Variants in RASGRF2 observed in about 807,000 individuals in gnomAD.
RASGRF2 encodes ras-specific guanine nucleotide-releasing factor 2.
A neutral mutation model predicts 151.0 loss-of-function variants in RASGRF2; 76 were observed. The ratio of observed to expected loss-of-function variants is 0.50; its 90% CI spans 0.42 to 0.61. RASGRF2 has a LOEUF of 0.61. Among genes scored for constraint, RASGRF2 ranks in the 20% least tolerant of loss-of-function variants. The probability of loss-of-function intolerance (pLI) is 0.00; values close to 1 mark genes in which losing one functional copy is unlikely to be tolerated. For missense variants in RASGRF2, 1,148 were observed against 1,564.6 expected, an observed-to-expected ratio of 0.73 and a Z score of 4.49; for synonymous variants, 504 against 566.5, an observed-to-expected ratio of 0.89 and a Z score of 1.57.
intron 1 of RASGRF2, among the ~76,000 whole-genome samples, chr5:81,015,309 A>C (rs1192239227): frequency 6.6e-6 from 1 of 152,192 alleles, no homozygotes; most frequent in Non-Finnish European, 1.5e-5. Flanking sequence ...GTCAAATGGT[A>C]TTTCTGGTTC....
At chr5:81,181,111 G>A (rs1054318452) in intron 18 of RASGRF2, among the ~76,000 whole-genome samples, 2 of 152,168 alleles carry the variant, frequency 1.3e-5, no homozygotes, top group African/African-American at 4.8e-5. Flanking sequence ...CAAATTGTCA[G>A]TCTGCTAATG....
intron 1 of RASGRF2, among the ~76,000 whole-genome samples, chr5:81,012,667 G>A (rs1421179650): frequency 2.0e-5 from 3 of 152,060 alleles, no homozygotes; most frequent in African/African-American, 7.2e-5. Context: ...GACTGAGGTG[G>A]GACAACTCCG....
intron 1 of RASGRF2, among the ~76,000 whole-genome samples, chr5:80,965,578 A>G (rs1358541238): frequency 6.6e-6 from 1 of 152,196 alleles, no homozygotes; most frequent in Non-Finnish European, 1.5e-5. Context: ...ATACATAAAA[A>G]TGCATTATTG....
intron 18 of RASGRF2, among the ~76,000 whole-genome samples, chr5:81,194,783 T>C (rs1005188399): frequency 1.3e-5 from 2 of 152,150 alleles, no homozygotes; most frequent in African/African-American, 4.8e-5. Context: ...AAGCCTCTCT[T>C]GGTTTCTTTT....
chr5:81,136,941 T>A lies in RASGRF2; in HGVS notation c.2686+9778T>A, dbSNP rs557724431. ...CTTCATTTCCGTGTCTGTGTTTTTTTATGTCTAGCATTTTCCTTTGATTCT... is the reference window on the plus strand; with the variant it reads ...CTTCATTTCCGTGTCTGTGTTTTTTAATGTCTAGCATTTTCCTTTGATTCT... On this transcript the variant is annotated intron_variant, in intron 17 of 26. Transcript: ENST00000265080. Among the ~76,000 whole-genome samples the A allele has an allele frequency of 2.0e-5, 3 of 152,020 alleles. No homozygotes were observed. In the South Asian group the frequency reaches 6.2e-4, roughly 32 times the overall value.
At chr5:81,187,754 G>A (rs1176443631) in intron 18 of RASGRF2, among the ~76,000 whole-genome samples, 1 of 152,168 alleles carries the variant, frequency 6.6e-6, no homozygotes, top group Non-Finnish European at 1.5e-5. Context: ...TACTTAGTGT[G>A]CTCAAGGTCT....
Position 81,032,665 on chromosome 5 carries a change from T to G in RASGRF2, c.289-10212T>G, listed in dbSNP as rs111554753. On this transcript the variant is annotated intron_variant, in intron 1 of 26. Coordinates refer to ENST00000265080, the MANE Select transcript of RASGRF2 (RefSeq NM_006909.3). ...CGTATCTCAAAATAATAAGAGCTAT[T>G]TATGACAAACCCACAGCCAATATCA... Among the ~76,000 whole-genome samples, 4 of 152,212 alleles carry G rather than the reference T, an allele frequency of 2.6e-5. No individual in the cohort carries two copies. The South Asian group carries it at 8.3e-4, about 32-fold the overall frequency.
chr5:81,216,757 C>T (rs899618997), intron 24 of RASGRF2, among the ~76,000 whole-genome samples: 3 of 152,194 alleles, frequency 2.0e-5, no homozygotes, highest in Non-Finnish European at 2.9e-5. Context: ...CAGCTCCTCC[C>T]GCATCAAAAG....
chr5:81,098,611 T>A (rs1752614097), intron 12 of RASGRF2, among the ~76,000 whole-genome samples: 2 of 152,270 alleles, frequency 1.3e-5, no homozygotes, highest in South Asian at 4.1e-4. Context: ...GAGGGAGTGG[T>A]CACATGTCAA....
chr5:81,102,573 T>C (rs938978508), intron 12 of RASGRF2, among the ~76,000 whole-genome samples: 3 of 151,806 alleles, frequency 2.0e-5, no homozygotes, highest in Admixed American at 2.0e-4. Flanking sequence ...CACATGCCTG[T>C]AGTCCCAGCT....
intron 19 of RASGRF2, among the ~76,000 whole-genome samples, chr5:81,203,243 T>G (rs1755436173): frequency 6.6e-6 from 1 of 152,200 alleles, no homozygotes; most frequent in South Asian, 2.1e-4. Flanking sequence ...AAAACTAGAT[T>G]CAGGAAGTTT....
At chr5:81,156,853 C>T (rs980047861) in intron 17 of RASGRF2, among the ~76,000 whole-genome samples, 1 of 151,918 alleles carries the variant, frequency 6.6e-6, no homozygotes, top group African/African-American at 2.4e-5. Context: ...TTTAAGGTAG[C>T]CTGATTAGAA....
intron 17 of RASGRF2, among the ~76,000 whole-genome samples, chr5:81,173,111 T>A (rs1175882075): frequency 1.3e-5 from 2 of 152,182 alleles, no homozygotes; most frequent in African/African-American, 4.8e-5. Flanking sequence ...GCGCAGTGGC[T>A]CATGCCTGTA....
At chr5:81,154,179 A>C (rs1411678633) in intron 17 of RASGRF2, among the ~76,000 whole-genome samples, 1 of 152,194 alleles carries the variant, frequency 6.6e-6, no homozygotes, top group Non-Finnish European at 1.5e-5. Flanking sequence ...AAAGGATATA[A>C]AAGAGCTTGA....
At chr5:81,058,133 C>G (rs1314918278) in intron 2 of RASGRF2, among the ~76,000 whole-genome samples, 2 of 152,010 alleles carry the variant, frequency 1.3e-5, no homozygotes, top group African/African-American at 4.8e-5. Flanking sequence ...ATGTTGACAT[C>G]TGTTTGTACT....
At chr5:80,993,257 A>T (rs147203718) in intron 1 of RASGRF2, among the ~76,000 whole-genome samples, 1 of 152,238 alleles carries the variant, frequency 6.6e-6, no homozygotes, top group Non-Finnish European at 1.5e-5. Flanking sequence ...TCCATGATAC[A>T]TTCTTCCGTG....
At position 81,136,052 on chromosome 5, in the gene RASGRF2, G is replaced by A. The variant is rs149798518; in HGVS notation, c.2686+8889G>A. Among the ~76,000 whole-genome samples, 1,136 of 152,032 alleles carry A rather than the reference G, an allele frequency of 7.5e-3. 11 individuals carry two copies. The highest frequency in any genetic ancestry group is 0.026 in the African/African-American group (1,075 of 41,454). On this transcript the variant is annotated intron_variant, in intron 17 of 26. Transcript: ENST00000265080. ...TTTTGAGATGGAGTCTCACTCTGTC[G>A]CCCAGGCTGGAGTGCAGTGGCGCAA...
At chr5:81,020,126 C>A (rs1441248786) in intron 1 of RASGRF2, among the ~76,000 whole-genome samples, 1 of 152,144 alleles carries the variant, frequency 6.6e-6, no homozygotes, top group Non-Finnish European at 1.5e-5. Context: ...AAGACCCAGA[C>A]CTTTGCATTT....
chr5:81,129,408 G>T (rs1753556338), intron 17 of RASGRF2, among the ~76,000 whole-genome samples: 1 of 151,822 alleles, frequency 6.6e-6, no homozygotes, highest in Non-Finnish European at 1.5e-5. Context: ...TTCTCTAATG[G>T]ACATTAACTA....
Sources: gnomAD v4.1 joint callset for allele counts (sites outside exome capture counted in the v4.1 genomes callset) on GRCh38, gnomAD v4.1.1 for gene constraint, MANE v1.5 for transcripts, NCBI Gene and HGNC (gene_info 2026-07-23, HGNC 2026-07-21) for gene names.